C1orf87: variants seen among roughly 807,000 people sequenced by gnomAD.
The protein encoded by C1orf87 is chromosome 1 open reading frame 87.
Under a neutral mutation model 60.5 loss-of-function variants are expected in C1orf87, and 58 were observed. That is an observed-to-expected ratio of 0.96 (90% CI 0.78 to 1.19). The LOEUF (loss-of-function observed/expected upper bound fraction) is 1.19, where lower values mean the gene tolerates loss of function less well. Ranked by LOEUF, C1orf87 falls within the 50% of genes most tolerant of loss-of-function variation. The probability of loss-of-function intolerance (pLI) is 0.00; values close to 1 mark genes in which losing one functional copy is unlikely to be tolerated. For missense variants in C1orf87, 673 were observed against 638.6 expected (o/e 1.05, Z -0.58); for synonymous variants, 236 against 227.4 (o/e 1.04, Z -0.34).
intron 3 of C1orf87, among the ~76,000 whole-genome samples, chr1:60,053,747 T>G (rs182560672): frequency 6.6e-6 from 1 of 152,248 alleles, no homozygotes; most frequent in African/African-American, 2.4e-5. Context: ...TTTCAAAAAT[T>G]GCTACATCGT....
chr1:60,003,446 A>G (rs1645021873), intron 9 of C1orf87, among the ~76,000 whole-genome samples: 1 of 152,120 alleles, frequency 6.6e-6, no homozygotes, highest in Non-Finnish European at 1.5e-5. Flanking sequence ...CAATGTGCAC[A>G]TGTACCCTAA....
rs1380824846 is a variant in C1orf87, at chr1:60,011,448, ACTT to A, written c.1128-995_1128-993del. On this transcript the variant is annotated intron_variant, in intron 8 of 11. Transcript: ENST00000371201. ...CCCTTCCTCCCTTCTTCCCTCCCTC[ACTT>A]CTTCTCTCTCTCCCACTGTCTCTGC... 7.4e-5 allele frequency among the ~76,000 whole-genome samples: 11 copies of A among 148,098 alleles called. No homozygotes were observed. In the South Asian group the frequency reaches 1.1e-3, roughly 15 times the overall value.
At chr1:60,003,884 CAT>C (rs764211681) in intron 9 of C1orf87, among the ~76,000 whole-genome samples, 46 of 152,170 alleles carry the variant, frequency 3.0e-4, no homozygotes, top group Non-Finnish European at 4.4e-5. Flanking sequence ...TTTATCCTCT[CAT>C]ATCTACCCCA....
chr1:60,026,448 G>C (rs1284300952), intron 7 of C1orf87, among the ~76,000 whole-genome samples: 1 of 151,898 alleles, frequency 6.6e-6, no homozygotes, highest in East Asian at 1.9e-4. Flanking sequence ...ATAAAGAAAA[G>C]ACAGAAGGAG....
chr1:60,002,155 A>G (rs950219080), intron 9 of C1orf87, among the ~76,000 whole-genome samples: 1 of 152,122 alleles, frequency 6.6e-6, no homozygotes, highest in Non-Finnish European at 1.5e-5. Context: ...CACTATTTTT[A>G]ATAAAAATGA....
intron 11 of C1orf87, among the ~76,000 whole-genome samples, chr1:59,993,106 G>A (rs1005879781): frequency 1.3e-5 from 2 of 152,156 alleles, no homozygotes; most frequent in Non-Finnish European, 2.9e-5. Context: ...GTGAGGTGTG[G>A]TGGCATGCAC....
chr1:60,060,278 A>T (rs867843174), intron 2 of C1orf87, among the ~76,000 whole-genome samples: 51 of 152,124 alleles, frequency 3.4e-4, no homozygotes, highest in African/African-American at 1.2e-3. Context: ...CCACACATAA[A>T]TTCTTTCATG....
intron 2 of C1orf87, among the ~76,000 whole-genome samples, chr1:60,062,561 T>C (rs1425057473): frequency 2.4e-4 from 37 of 152,206 alleles, no homozygotes; most frequent in Admixed American, 2.4e-3. Context: ...CATTACTGTT[T>C]ACATTTCTTT....
intron 9 of C1orf87, among the ~76,000 whole-genome samples, chr1:60,003,256 G>T (rs1354139713): frequency 2.8e-5 from 4 of 141,540 alleles, no homozygotes; most frequent in African/African-American, 1.1e-4. Context: ...TCACTCATAG[G>T]TGGGAATTGA....
chr1:60,026,818 A>T (rs898805782), intron 7 of C1orf87, among the ~76,000 whole-genome samples: 2 of 152,238 alleles, frequency 1.3e-5, no homozygotes, highest in Non-Finnish European at 2.9e-5. Context: ...AGGTCACCAC[A>T]AGTGCAGAAT....
rs898805782 is a variant in C1orf87 at position 60,026,818 on chromosome 1, A to G, written c.1030-1320T>C. ...TTTTTGAGTGCTGACAGGTCACCAC[A>G]AGTGCAGAATTCTACACATTTGTAT... On this transcript the variant is annotated intron_variant, in intron 7 of 11. Coordinates refer to ENST00000371201, the MANE Select transcript of C1orf87 (RefSeq NM_152377.3). 1.3e-5 allele frequency among the ~76,000 whole-genome samples: 2 copies of G among 152,238 alleles called. 1 individual carries two copies. The highest frequency in any genetic ancestry group is 3.8e-4 in the East Asian group (2 of 5,206).
intron 7 of C1orf87, among the ~76,000 whole-genome samples, chr1:60,030,308 T>A (rs1402768560): frequency 1.3e-5 from 2 of 152,238 alleles, no homozygotes; most frequent in East Asian, 1.9e-4. Context: ...AAATCTTTTT[T>A]ATACTTTTAA....
intron 3 of C1orf87, among the ~76,000 whole-genome samples, chr1:60,048,006 C>T (rs968514873): frequency 3.1e-4 from 47 of 152,204 alleles, no homozygotes; most frequent in African/African-American, 1.1e-3. Context: ...AAGGTGGCCC[C>T]AGTGATCCCT....
At chr1:60,064,957 TAATATATAAATAAATAA>T (rs1645531763) in intron 2 of C1orf87, among the ~76,000 whole-genome samples, 1 of 47,534 alleles carries the variant, frequency 2.1e-5, no homozygotes, top group Non-Finnish European at 4.1e-5. Context: ...AATAAATATA[TAATATATAAATAAATAA>T]ATATTTATTA....
rs1645255109 is a variant in C1orf87, at chr1:60,033,651, G to T, written c.864-10C>A. The T allele has an allele frequency of 1.2e-6, 2 of 1,607,726 alleles. No individual in the cohort carries two copies. On this transcript the variant is annotated splice_polypyrimidine_tract_variant and intron_variant, in intron 6 of 11. Transcript: ENST00000371201. ...GTGCTGAGGTGGAGTGCTGATTGTA[G>T]GGGAAATGGGGAAGGCTATGAAAAG...
chr1:60,064,058 A>AGGCTAGACTGGCC, intron 2 of C1orf87, among the ~76,000 whole-genome samples: 1 of 151,806 alleles, frequency 6.6e-6, no homozygotes, highest in East Asian at 1.9e-4. Context: ...AAATGTGAAA[A>AGGCTAGACTGGCC]GGCTAGACTG....
intron 6 of C1orf87, among the ~76,000 whole-genome samples, chr1:60,035,912 C>T (rs192848557): frequency 2.2e-4 from 34 of 152,270 alleles, no homozygotes; most frequent in African/African-American, 7.2e-4. Context: ...ATGGAACTAA[C>T]AACACAGAGA....
chr1:60,019,614 C>T (rs1248849043), intron 8 of C1orf87, among the ~76,000 whole-genome samples: 2 of 152,082 alleles, frequency 1.3e-5, no homozygotes, highest in African/African-American at 4.8e-5. Flanking sequence ...TTCCTAGAGA[C>T]TTGTTGAGTG....
intron 2 of C1orf87, among the ~76,000 whole-genome samples, chr1:60,064,341 TG>T (rs1645520278): frequency 1.4e-5 from 2 of 140,654 alleles, no homozygotes; most frequent in Non-Finnish European, 3.1e-5. Context: ...ATACTATATA[TG>T]TAATATATGT....
Sources: gnomAD v4.1 joint callset for allele counts (sites outside exome capture counted in the v4.1 genomes callset) on GRCh38, gnomAD v4.1.1 for gene constraint, MANE v1.5 for transcripts, NCBI Gene and HGNC (gene_info 2026-07-23, HGNC 2026-07-21) for gene names.